ELOVL6: variants seen among roughly 807,000 people sequenced by gnomAD.
ELOVL6 encodes very long chain fatty acid elongase 6.
Under a neutral mutation model 31.7 loss-of-function variants are expected in ELOVL6, and 8 were observed. That is an observed-to-expected ratio of 0.25 (90% CI 0.15 to 0.45). The LOEUF is 0.45. ELOVL6 is among the 20% of genes least tolerant of loss of function. The pLI is 1.00. For missense variants in ELOVL6, 126 were observed against 326.4 expected (o/e 0.39, Z 4.73); for synonymous variants, 101 against 117.7 (o/e 0.86, Z 0.92).
At chr4:110,196,931 G>A (rs1402414658) in intron 1 of ELOVL6, among the ~76,000 whole-genome samples, 3 of 152,302 alleles carry the variant, frequency 2.0e-5, no homozygotes, top group East Asian at 1.9e-4. Flanking sequence ...ACTGGCCGGC[G>A]ACTCCAGGGG....
At chr4:110,121,551 T>C (rs1363420953) in intron 1 of ELOVL6, among the ~76,000 whole-genome samples, 1 of 152,038 alleles carries the variant, frequency 6.6e-6, no homozygotes, top group Non-Finnish European at 1.5e-5. Context: ...ACAAAAAAAT[T>C]AGCCAGGCGT....
intron 2 of ELOVL6, among the ~76,000 whole-genome samples, chr4:110,077,993 T>C (rs1014773000): frequency 3.3e-5 from 5 of 152,092 alleles, no homozygotes; most frequent in African/African-American, 9.7e-5. Flanking sequence ...GTATCAGAGA[T>C]AGAAGATCAA....
At position 110,112,725 on chromosome 4, in the gene ELOVL6, T is replaced by G. The variant is rs187494392; in HGVS notation, c.90-7097A>C. On this transcript the variant is annotated intron_variant, in intron 1 of 3. Transcript: ENST00000302274. ...CCCTCTCTACTAAAAAAACAAAAAC[T>G]TAGCTGGGTGTGGTGGTACATGCTT... is the stretch of plus-strand genomic sequence containing the variant. Among the ~76,000 whole-genome samples, 1,006 of 151,332 alleles carry G rather than the reference T, an allele frequency of 6.6e-3. 9 individuals are homozygous for G. The highest frequency in any genetic ancestry group is 0.01 in the Non-Finnish European group (685 of 67,866).
chr4:110,110,359 G>A (rs527898205), intron 1 of ELOVL6, among the ~76,000 whole-genome samples: 1 of 125,532 alleles, frequency 8.0e-6, no homozygotes, highest in East Asian at 2.5e-4. Context: ...ACTTCATATA[G>A]GCATTTTTTT....
intron 1 of ELOVL6, among the ~76,000 whole-genome samples, chr4:110,169,261 C>T (rs1483556141): frequency 1.6e-5 from 2 of 123,080 alleles, no homozygotes; most frequent in Non-Finnish European, 3.5e-5. Flanking sequence ...TTTTTTGAGA[C>T]GGAGTCTCGC....
chr4:110,099,427 G>A (rs777073863), intron 2 of ELOVL6, among the ~76,000 whole-genome samples: 4 of 152,108 alleles, frequency 2.6e-5, no homozygotes, highest in Non-Finnish European at 2.9e-5. Context: ...TTACAATGAG[G>A]TTCAACAGGA....
chr4:110,197,948 C>T (rs956752179), intron 1 of ELOVL6: 30 of 457,856 alleles, frequency 6.6e-5, no homozygotes, highest in African/African-American at 5.3e-4. Flanking sequence ...GCATCTCTCC[C>T]GCCTTCCCTG....
At chr4:110,074,781 T>G (rs960781500) in intron 2 of ELOVL6, among the ~76,000 whole-genome samples, 4 of 152,196 alleles carry the variant, frequency 2.6e-5, no homozygotes, top group Non-Finnish European at 5.9e-5. Context: ...ATGACGACAC[T>G]TGAGCAGAGG....
At chr4:110,087,816 A>AC (rs1216720228) in intron 2 of ELOVL6, among the ~76,000 whole-genome samples, 5 of 150,140 alleles carry the variant, frequency 3.3e-5, no homozygotes, top group South Asian at 2.1e-4. Flanking sequence ...AAAAAAAAAA[A>AC]AACCTCCTAT....
At chr4:110,185,021 A>G (rs28390246) in intron 1 of ELOVL6, among the ~76,000 whole-genome samples, 8,698 of 152,250 alleles carry the variant, frequency 0.057, 296 homozygotes, top group African/African-American at 0.088. Flanking sequence ...AATAAACCCT[A>G]TGTAAGTCTG....
intron 3 of ELOVL6, among the ~76,000 whole-genome samples, chr4:110,053,576 G>A (rs1192849476): frequency 2.6e-5 from 4 of 152,156 alleles, no homozygotes; most frequent in African/African-American, 4.8e-5. Context: ...AGGCCAAGGC[G>A]GGGGGATCAC....
At chr4:110,102,683 T>C (rs1264307689) in intron 2 of ELOVL6, among the ~76,000 whole-genome samples, 2 of 151,486 alleles carry the variant, frequency 1.3e-5, no homozygotes, top group Non-Finnish European at 2.9e-5. Flanking sequence ...GTAAAGATGA[T>C]AGATTATATA....
At chr4:110,067,663 C>A (rs1755343567) in intron 2 of ELOVL6, among the ~76,000 whole-genome samples, 1 of 152,178 alleles carries the variant, frequency 6.6e-6, no homozygotes, top group African/African-American at 2.4e-5. Flanking sequence ...ATCTCTGCAT[C>A]AGGTGCTGAC....
At chr4:110,135,985 T>G (rs1757798576) in intron 1 of ELOVL6, among the ~76,000 whole-genome samples, 3 of 152,194 alleles carry the variant, frequency 2.0e-5, no homozygotes, top group Admixed American at 2.0e-4. Context: ...GTTTCTTAAC[T>G]TGGATATGTG....
At chr4:110,148,636 T>C (rs956379084) in intron 1 of ELOVL6, among the ~76,000 whole-genome samples, 1 of 152,100 alleles carries the variant, frequency 6.6e-6, no homozygotes, top group Non-Finnish European at 1.5e-5. Context: ...AAGAGTATAA[T>C]TGGACTGTTT....
chr4:110,084,369 G>GACATATATCGCATATATGATATATATCGC (rs1553956123), intron 2 of ELOVL6, among the ~76,000 whole-genome samples: 1 of 34,714 alleles, frequency 2.9e-5, no homozygotes, highest in African/African-American at 1.4e-4. Flanking sequence ...CCGCATATAT[G>GACATATATCGCATATATGATATATATCGC]ATATATGATA....
chr4:110,070,132 A>G (rs557391554), intron 2 of ELOVL6, among the ~76,000 whole-genome samples: 1 of 152,238 alleles, frequency 6.6e-6, no homozygotes, highest in South Asian at 2.1e-4. Flanking sequence ...TCTTCACTCA[A>G]CTATGGAAGA....
intron 2 of ELOVL6, among the ~76,000 whole-genome samples, chr4:110,083,988 G>GTTATATATCATATATGTTATATATC (rs374072704): frequency 1.9e-3 from 7 of 3,698 alleles, no homozygotes; most frequent in Admixed American, 3.6e-3. Flanking sequence ...TGCCATATAC[G>GTTATATATCATATATGTTATATATC]ATATATAACA....
At chr4:110,126,344 C>A (rs1178216734) in intron 1 of ELOVL6, among the ~76,000 whole-genome samples, 3 of 152,084 alleles carry the variant, frequency 2.0e-5, no homozygotes, top group African/African-American at 7.2e-5. Flanking sequence ...CTGCACCCAA[C>A]CCTCAAATCT....
Sources: allele counts gnomAD v4.1 joint callset (sites outside exome capture counted in the v4.1 genomes callset), GRCh38; gene constraint gnomAD v4.1.1; transcripts MANE v1.5; gene names NCBI Gene and HGNC (gene_info 2026-07-23, HGNC 2026-07-21).